The following ABI3BP variants were observed in gnomAD, a reference collection of about 807,000 sequenced individuals.
The protein encoded by ABI3BP is target of Nesh-SH3.
Under a neutral mutation model 268.6 loss-of-function variants are expected in ABI3BP, and 216 were observed. The ratio of observed to expected loss-of-function variants is 0.80; its 90% confidence interval spans 0.72 to 0.90. ABI3BP has a LOEUF of 0.90. Ranked by LOEUF, ABI3BP falls within the 40% of genes least tolerant of loss-of-function variation. ABI3BP has a pLI of 0.00. For missense variants in ABI3BP, 2,090 were observed against 2,182.4 expected (o/e 0.96, Z 0.84); for synonymous variants, 730 against 730.0 (o/e 1.00, Z 0.00).
rs535092259 is a variant in ABI3BP at position 100,849,313 on chromosome 3, T to C, written c.1502-438A>G. ...CAACCTTGGCTCACTGTAACCTTGG[T>C]TTCCCGAGTTCAAGCAATTCTTGCC... On this transcript the variant is annotated intron_variant, in intron 17 of 67. Transcript: ENST00000471714. 8.9e-4 allele frequency among the ~76,000 whole-genome samples: 134 copies of C among 151,236 alleles called. 1 individual carries two copies. The highest frequency in any genetic ancestry group is 2.8e-3 in the African/African-American group (114 of 41,038).
chr3:100,847,908 G>A (rs1395820918), intron 18 of ABI3BP, among the ~76,000 whole-genome samples: 1 of 152,134 alleles, frequency 6.6e-6, no homozygotes, highest in South Asian at 2.1e-4. Context: ...ATGATTCTGA[G>A]TATATTGTTT....
intron 50 of ABI3BP, among the ~76,000 whole-genome samples, chr3:100,807,507 T>C (rs2097746491): frequency 2.0e-5 from 3 of 151,974 alleles, no homozygotes; most frequent in Non-Finnish European, 4.4e-5. Flanking sequence ...AATTTAATGA[T>C]AGGTAAAATT....
At chr3:100,870,866 A>T (rs528560321) in intron 9 of ABI3BP, among the ~76,000 whole-genome samples, 1 of 152,218 alleles carries the variant, frequency 6.6e-6, no homozygotes, top group Non-Finnish European at 1.5e-5. Flanking sequence ...GCCTTAAAAA[A>T]GGAGGTCCTG....
chr3:100,833,153 A>C lies in ABI3BP; in HGVS notation c.2286T>G (p.Phe762Leu), dbSNP rs1304708362. The change falls in exon 30 of 68, where the codon TTT (phenylalanine) becomes TTG (leucine). Residue 762 changes from phenylalanine to leucine, a missense_variant. Coordinates refer to ENST00000471714, the MANE Select transcript of ABI3BP (RefSeq NM_001375547.2). ...AAGATGTCCCAGGAGTAATAGGTCC[A>C]AAGTCTGTAGCAAGAAATGATCAAA... ...RPETLQTKLD[F>L]GPITPGTSSA... 5.2e-6 allele frequency: 8 copies of C among 1,534,658 alleles called. No homozygotes were observed. In the South Asian group the frequency reaches 9.5e-5, roughly 18 times the overall value.
At chr3:100,925,534 C>T (rs1242819950) in intron 2 of ABI3BP, among the ~76,000 whole-genome samples, 1 of 152,036 alleles carries the variant, frequency 6.6e-6, no homozygotes, top group African/African-American at 2.4e-5. Context: ...CCACTTTAGC[C>T]TCACAAGTAG....
At chr3:100,906,635 G>A (rs544292957) in intron 2 of ABI3BP, among the ~76,000 whole-genome samples, 1 of 152,284 alleles carries the variant, frequency 6.6e-6, no homozygotes, top group African/African-American at 2.4e-5. Context: ...CCTTAACAAA[G>A]TTTCCATTCC....
At position 100,909,605 on chromosome 3, in the gene ABI3BP, G is replaced by A. The variant is rs928438947; in HGVS notation, c.260-6919C>T. ...CAAACATCCCCATCAAAAAGTGGGC[G>A]AAGGACATGAACAGACACTTCTCAA... is the stretch of plus-strand genomic sequence containing the variant. On this transcript the variant is annotated intron_variant, in intron 2 of 67. Coordinates refer to ENST00000471714, the MANE Select transcript of ABI3BP (RefSeq NM_001375547.2). 1.8e-4 allele frequency among the ~76,000 whole-genome samples: 27 copies of A among 152,128 alleles called. 1 individual carries two copies. The highest frequency in any genetic ancestry group is 4.6e-4 in the Admixed American group (7 of 15,272).
intron 50 of ABI3BP, among the ~76,000 whole-genome samples, chr3:100,806,912 G>A (rs1315142121): frequency 3.9e-5 from 6 of 152,126 alleles, no homozygotes; most frequent in Admixed American, 6.6e-5. Context: ...TTACTATACC[G>A]CATTTTAGTA....
intron 17 of ABI3BP, among the ~76,000 whole-genome samples, chr3:100,849,229 T>C (rs2098810897): frequency 6.7e-6 from 1 of 148,928 alleles, no homozygotes; most frequent in African/African-American, 2.5e-5. Context: ...AACTACTTTT[T>C]TTTTTTTTTT....
chr3:100,811,620 A>G, intron 47 of ABI3BP, 108 bp downstream of exon 47: 4 of 1,130,580 alleles, frequency 3.5e-6, no homozygotes, highest in Non-Finnish European at 5.0e-6. Flanking sequence ...AAATCTGTTT[A>G]ATTGTGAATC....
intron 1 of ABI3BP, among the ~76,000 whole-genome samples, chr3:100,932,272 T>C (rs932469619): frequency 1.3e-5 from 2 of 151,944 alleles, no homozygotes; most frequent in African/African-American, 4.8e-5. Flanking sequence ...CTAGGGCGTA[T>C]CATTCTGGAC....
At chr3:100,795,727 CAGG>C (rs2097326627) in intron 53 of ABI3BP, 74 bp downstream of exon 53, 1 of 1,056,742 alleles carries the variant, frequency 9.5e-7, no homozygotes, top group African/African-American at 1.7e-5. Context: ...GATGTTTCAA[CAGG>C]ATCATTTGAG....
chr3:100,836,093 T>C (rs1414324643), intron 27 of ABI3BP, among the ~76,000 whole-genome samples: 2 of 152,176 alleles, frequency 1.3e-5, no homozygotes, highest in African/African-American at 4.8e-5. Context: ...ACTGGAGATT[T>C]GTGAGAGTTG....
chr3:100,915,084 A>G lies in ABI3BP; in HGVS notation c.259+11218T>C, dbSNP rs72928388. 7.2e-3 allele frequency among the ~76,000 whole-genome samples: 1,093 copies of G among 152,226 alleles called. 14 individuals are homozygous for G. The highest frequency in any genetic ancestry group is 0.024 in the African/African-American group (1,002 of 41,538). On this transcript the variant is annotated intron_variant, in intron 2 of 67. Coordinates refer to ENST00000471714, the MANE Select transcript of ABI3BP (RefSeq NM_001375547.2). Reference sequence around the variant, plus strand: ...TCCACCATCTCTGTCTTGACCCATCATAATGTTTATTTGCTATTTAATATT... The same window carrying G: ...TCCACCATCTCTGTCTTGACCCATCGTAATGTTTATTTGCTATTTAATATT...
intron 2 of ABI3BP, among the ~76,000 whole-genome samples, chr3:100,915,231 C>G (rs1285883057): frequency 1.3e-5 from 2 of 152,176 alleles, no homozygotes; most frequent in Non-Finnish European, 2.9e-5. Context: ...CAACCCACCC[C>G]CCAGGGTAGA....
intron 66 of ABI3BP, 53 bp downstream of exon 66, chr3:100,752,734 C>T: frequency 1.3e-6 from 2 of 1,584,188 alleles, no homozygotes; most frequent in African/African-American, 2.7e-5. Flanking sequence ...TACAATGCTG[C>T]AAAACATTCC....
At chr3:100,836,154 C>T (rs1304563706) in intron 27 of ABI3BP, among the ~76,000 whole-genome samples, 1 of 152,134 alleles carries the variant, frequency 6.6e-6, no homozygotes, top group South Asian at 2.1e-4. Flanking sequence ...TTGCTTCTTA[C>T]TCTGCCTCCT....
intron 49 of ABI3BP, 69 bp from the exon 50 acceptor site, chr3:100,808,304 G>T: frequency 8.4e-7 from 1 of 1,184,544 alleles, no homozygotes; most frequent in Non-Finnish European, 1.2e-6. Flanking sequence ...GCCTCTAGAA[G>T]CTCAGGGATG....
chr3:100,864,672 T>C (rs1243757927), intron 11 of ABI3BP, 161 bp downstream of exon 11: 1 of 606,506 alleles, frequency 1.6e-6, no homozygotes, highest in Non-Finnish European at 2.9e-6. Flanking sequence ...GTGGAATCTG[T>C]CCAAGAAAGA....
Sources: allele counts gnomAD v4.1 joint callset (sites outside exome capture counted in the v4.1 genomes callset), GRCh38; gene constraint gnomAD v4.1.1; transcripts MANE v1.5; gene names NCBI Gene and HGNC (gene_info 2026-07-23, HGNC 2026-07-21).